RGPD2: variants seen among roughly 807,000 people sequenced by gnomAD.
The protein encoded by RGPD2 is RANBP2 like and GRIP domain containing 2.
In RGPD2, 2 loss-of-function variants were observed where a neutral mutation model predicts 36.0. The observed-to-expected ratio is 0.06, with a 90% CI of 0.02 to 0.17. The LOEUF (loss-of-function observed/expected upper bound fraction) is 0.17, where lower values mean the gene tolerates loss of function less well. Among genes scored for constraint, RGPD2 ranks in the 10% least tolerant of loss-of-function variants. The probability of loss-of-function intolerance (pLI) is 1.00; values close to 1 mark genes in which losing one functional copy is unlikely to be tolerated. For synonymous variants in RGPD2, 19 were observed against 163.8 expected (o/e 0.12, Z 6.75); for missense variants, 40 against 464.3 (o/e 0.09, Z 8.40).
chr2:87,971,439 A>ATATAATATGAATATTATATATAAGTATG, the RGPD2 span, among the ~76,000 whole-genome samples: 1 of 134,886 alleles, frequency 7.4e-6, no homozygotes, highest in Non-Finnish European at 1.6e-5. Context: ...AGACATATAT[A>ATATAATATGAATATTATATATAAGTATG]TATAATATGA....
the RGPD2 span, among the ~76,000 whole-genome samples, chr2:87,923,425 A>G: frequency 6.6e-6 from 1 of 152,266 alleles, no homozygotes; most frequent in Non-Finnish European, 1.5e-5. Context: ...ATGCTTTTCT[A>G]TCGGCCTCCT....
the RGPD2 span, among the ~76,000 whole-genome samples, chr2:87,885,480 A>T: frequency 2.0e-5 from 3 of 151,886 alleles, no homozygotes; most frequent in Non-Finnish European, 4.4e-5. Context: ...TGTTAAATAT[A>T]GTACTGGAAG....
upstream of RGPD2, among the ~76,000 whole-genome samples, chr2:87,829,460 C>A (rs1212532819): frequency 1.3e-5 from 2 of 151,468 alleles, no homozygotes; most frequent in Admixed American, 6.6e-5. Context: ...TTTGTTCTCA[C>A]ACCATTATGA....
At chr2:87,961,731 C>T in the RGPD2 span, among the ~76,000 whole-genome samples, 3 of 144,254 alleles carry the variant, frequency 2.1e-5, no homozygotes, top group South Asian at 2.3e-4. Context: ...TCTCAAATCC[C>T]GCAGTCAGTC....
At chr2:87,966,560 C>A in the RGPD2 span, among the ~76,000 whole-genome samples, 2 of 150,576 alleles carry the variant, frequency 1.3e-5, no homozygotes, top group Non-Finnish European at 2.9e-5. Context: ...GTGACAAAAG[C>A]AGAAAAAATA....
chr2:87,827,484 T>C (rs1211203237), upstream of RGPD2, among the ~76,000 whole-genome samples: 2 of 140,680 alleles, frequency 1.4e-5, no homozygotes, highest in Non-Finnish European at 3.1e-5. Flanking sequence ...GATAATAAAG[T>C]ACCTTAACTG....
At chr2:87,886,526 T>A in the RGPD2 span, among the ~76,000 whole-genome samples, 5 of 151,920 alleles carry the variant, frequency 3.3e-5, no homozygotes, top group East Asian at 1.9e-4. Flanking sequence ...ATGAATAAAT[T>A]TCTTTGGTCC....
chr2:87,845,683 A>G, the RGPD2 span, among the ~76,000 whole-genome samples: 27 of 151,772 alleles, frequency 1.8e-4, no homozygotes, highest in South Asian at 1.2e-3. Context: ...AAGTGACAGA[A>G]GAGTTTATAC....
the RGPD2 span, chr2:87,989,246 A>T: frequency 4.4e-6 from 1 of 225,980 alleles, no homozygotes; most frequent in Non-Finnish European, 8.1e-6. Flanking sequence ...TAGCTGGTAC[A>T]AGACTTTGCC....
chr2:87,876,598 ATT>A, the RGPD2 span, among the ~76,000 whole-genome samples: 1 of 152,280 alleles, frequency 6.6e-6, no homozygotes, highest in African/African-American at 2.4e-5. Flanking sequence ...AGTCTTTTGC[ATT>A]TACTGAGGAG....
intron 1 of RGPD2, among the ~76,000 whole-genome samples, chr2:87,821,974 T>C (rs1477327003): frequency 1.2e-4 from 18 of 147,602 alleles, no homozygotes; most frequent in African/African-American, 3.3e-4. Context: ...TTCTCTCTCT[T>C]TTTTTTTAAT....
the RGPD2 span, chr2:87,968,711 T>C: frequency 8.6e-6 from 2 of 233,610 alleles, no homozygotes; most frequent in Non-Finnish European, 1.7e-5. Context: ...GCCAAGTGAT[T>C]GACCATTAAG....
At chr2:87,986,408 C>T in the RGPD2 span, among the ~76,000 whole-genome samples, 2 of 150,556 alleles carry the variant, frequency 1.3e-5, no homozygotes, top group Admixed American at 1.3e-4. Context: ...ACTGGGATTA[C>T]AGGTGTGAGC....
the RGPD2 span, among the ~76,000 whole-genome samples, chr2:87,921,717 A>C: frequency 6.1e-4 from 93 of 152,272 alleles, no homozygotes; most frequent in African/African-American, 2.1e-3. Flanking sequence ...AACCTTCTAC[A>C]ATGTCACATT....
chr2:87,915,325 A>G, the RGPD2 span, among the ~76,000 whole-genome samples: 1 of 113,608 alleles, frequency 8.8e-6, no homozygotes, highest in Non-Finnish European at 1.7e-5. Context: ...TGTATATTAT[A>G]TATATTGTAT....
chr2:87,910,559 T>G, the RGPD2 span, among the ~76,000 whole-genome samples: 1 of 152,378 alleles, frequency 6.6e-6, no homozygotes, highest in South Asian at 2.1e-4. Context: ...TGTTGTGAGT[T>G]CTTTTATTCA....
chr2:87,937,975 A>G, the RGPD2 span, among the ~76,000 whole-genome samples: 1 of 151,826 alleles, frequency 6.6e-6, no homozygotes, highest in African/African-American at 2.4e-5. Flanking sequence ...AAGTTTCAGT[A>G]CAGCAGTGAG....
the RGPD2 span, among the ~76,000 whole-genome samples, chr2:87,937,558 G>C: frequency 6.6e-6 from 1 of 151,598 alleles, no homozygotes; most frequent in Non-Finnish European, 1.5e-5. Flanking sequence ...GAGAGAGATG[G>C]GGGAGGTCTC....
the RGPD2 span, among the ~76,000 whole-genome samples, chr2:87,905,094 G>A: frequency 6.6e-6 from 1 of 151,960 alleles, no homozygotes; most frequent in Non-Finnish European, 1.5e-5. Context: ...AATTAGTCTG[G>A]GACTGATGAA....
Sources: gnomAD v4.1 joint callset for allele counts (sites outside exome capture counted in the v4.1 genomes callset) on GRCh38, gnomAD v4.1.1 for gene constraint, MANE v1.5 for transcripts, NCBI Gene and HGNC (gene_info 2026-07-23, HGNC 2026-07-21) for gene names.